The following FAT2 variants were observed in gnomAD, a reference collection of about 807,000 sequenced individuals.
FAT2 encodes the protein FAT atypical cadherin 2.
Under a neutral mutation model 295.3 loss-of-function variants are expected in FAT2, and 150 were observed. The observed-to-expected ratio is 0.51, with a 90% CI of 0.44 to 0.58. The LOEUF (loss-of-function observed/expected upper bound fraction) is 0.58. Among genes scored for constraint, FAT2 ranks in the 20% least tolerant of loss-of-function variants. The probability of loss-of-function intolerance (pLI) is 0.00; values close to 1 mark genes in which losing one functional copy is unlikely to be tolerated. For synonymous variants in FAT2, 2,026 were observed against 2,150.3 expected (o/e 0.94, Z 1.60); for missense variants, 4,868 against 5,442.7 (o/e 0.89, Z 3.32).
At chr5:151,577,159 A>C (rs1476779035) in intron 1 of FAT2, among the ~76,000 whole-genome samples, 2 of 152,254 alleles carry the variant, frequency 1.3e-5, no homozygotes, top group African/African-American at 2.4e-5. Context: ...CATAATTATC[A>C]CTTATAATTG....
rs970168304 is a variant in FAT2 at position 151,542,160 on chromosome 5, A to G, written c.8842+125T>C. ...GGAGAAACTGAGGTCCTAGGGGGTT[A>G]AGTGTGCCCAAGGTCACACTGCTAA... On this transcript the variant is annotated intron_variant, in intron 10 of 23. Transcript: ENST00000261800. The G allele has an allele frequency of 1.6e-5, 13 of 835,140 alleles. No individual in the cohort carries two copies. In the African/African-American group the frequency reaches 2.2e-4, roughly 14 times the overall value. The allele number at this position is 835,140 out of a possible 1,614,324, so 51.7% of individuals were successfully genotyped here. A position where few individuals can be genotyped will look rare whatever the true frequency, so the allele number is the denominator to read the frequency against.
chr5:151,590,638 AACCAGGGCTG>A (rs1365083209), intron 1 of FAT2, among the ~76,000 whole-genome samples: 2 of 152,090 alleles, frequency 1.3e-5, no homozygotes, highest in African/African-American at 4.8e-5. Context: ...GCTACAGGAG[AACCAGGGCTG>A]ACCAGACTAT....
intron 1 of FAT2, among the ~76,000 whole-genome samples, chr5:151,577,980 TG>T (rs1317310005): frequency 6.6e-6 from 1 of 150,816 alleles, no homozygotes; most frequent in Non-Finnish European, 1.5e-5. Context: ...AGGAGGAGTT[TG>T]TTAGATGAAA....
chr5:151,554,399 C>G lies in FAT2; in HGVS notation c.3908G>C (p.Ser1303Thr), dbSNP rs1757504737. ...IDLVTGVVSS[S>T]STFTAGEYNI... ...GTACTCTCCAGCTGTAAAAGTGCTG[C>G]TGGATGAAACCACACCTGTGACCAG... is the stretch of plus-strand genomic sequence containing the variant. The change falls in exon 5 of 24, where the codon AGC becomes ACC. Residue 1303 changes from serine (S) to threonine (T), a missense_variant. By Grantham distance (58) the Ser-to-Thr change is moderately conservative. Coordinates refer to ENST00000261800, the MANE Select transcript of FAT2 (RefSeq NM_001447.3). The G allele has an allele frequency of 6.2e-7, 1 of 1,614,198 alleles. No homozygotes were observed. Among genetic ancestry groups the G allele is most frequent in the Non-Finnish European group, 8.5e-7 (1 of 1,180,032 alleles).
chr5:151,551,955 ATACTT>A (rs1266650829), intron 6 of FAT2, among the ~76,000 whole-genome samples: 2 of 150,962 alleles, frequency 1.3e-5, no homozygotes, highest in African/African-American at 4.9e-5. Context: ...TTATAAAACA[ATACTT>A]TAATATAACC....
chr5:151,535,862 A>C (rs1755218480), intron 12 of FAT2, among the ~76,000 whole-genome samples: 1 of 152,142 alleles, frequency 6.6e-6, no homozygotes, highest in South Asian at 2.1e-4. Flanking sequence ...GTATGGGGAA[A>C]ACCCACACAC....
Position 151,544,890 on chromosome 5 carries a change from G to A in FAT2, c.6237C>T (p.Ile2079=), listed in dbSNP as rs758833250. The A allele has an allele frequency of 1.9e-6, 3 of 1,614,028 alleles. No homozygotes were observed. Among genetic ancestry groups the A allele is most frequent in the African/African-American group, 2.7e-5 (2 of 74,906 alleles). Residue 2079 remains isoleucine (I), a synonymous_variant, in exon 10 of 24, where the codon ATC becomes ATT. Coordinates refer to ENST00000261800, the MANE Select transcript of FAT2 (RefSeq NM_001447.3). ...CATCCCCTGGCTCTGTGCCATCTTG[G>A]ATGATTGTGTAATAGGGCAGATGCT... ...KFKHLPYYTI[I]QDGTEPGDVL... is the part of the protein sequence containing the mutation.
chr5:151,532,388 AACAC>A (rs3056512), intron 13 of FAT2, among the ~76,000 whole-genome samples: 14,193 of 150,328 alleles, frequency 0.094, 1,484 homozygotes, highest in African/African-American at 0.26. Flanking sequence ...TGCGTGTACA[AACAC>A]ACACACACAC....
rs368700312 is a variant in FAT2, at chr5:151,565,993, G to A, written c.2939C>T (p.Ala980Val). 37 of 1,613,898 alleles carry A rather than the reference G, an allele frequency of 2.3e-5. No homozygotes were observed. The highest frequency in any genetic ancestry group is 8.9e-5 in the East Asian group (4 of 44,882). ...GTCCAGCTCTCTCTCCAGAATGAGC[G>A]CCCCTGTCATCAGGTCCACCCGGAA... Reference protein sequence around the residue: ...GTFRVDLMTGALILERELDFE... With the variant: ...GTFRVDLMTGVLILERELDFE... The change falls in exon 2 of 24, where the codon GCG becomes GTG. Residue 980 changes from alanine (A) to valine (V), a missense_variant. Transcript: ENST00000261800.
At chr5:151,572,780 C>G (rs1758582706) in intron 1 of FAT2, among the ~76,000 whole-genome samples, 1 of 152,222 alleles carries the variant, frequency 6.6e-6, no homozygotes, top group Non-Finnish European at 1.5e-5. Context: ...GCTGAAGCCT[C>G]TGGAGAAGGT....
chr5:151,555,602 C>T (rs1401394220), intron 4 of FAT2, among the ~76,000 whole-genome samples: 1 of 151,748 alleles, frequency 6.6e-6, no homozygotes, highest in Non-Finnish European at 1.5e-5. Flanking sequence ...ACTCCTAACC[C>T]CAAGTGATCT....
intron 20 of FAT2, among the ~76,000 whole-genome samples, chr5:151,514,560 C>A (rs1470425760): frequency 1.3e-5 from 2 of 152,258 alleles, no homozygotes; most frequent in East Asian, 3.8e-4. Context: ...ACGAGCCTCT[C>A]TTTAATTTCA....
chr5:151,563,744 A>G (rs1758130314), intron 2 of FAT2, 105 bp from the exon 3 acceptor site: 1 of 848,688 alleles, frequency 1.2e-6, no homozygotes, highest in Non-Finnish European at 1.9e-6. Flanking sequence ...AAAGGGTATT[A>G]ATAAGTAGAT....
At chr5:151,572,984 T>G (rs540609255) in intron 1 of FAT2, among the ~76,000 whole-genome samples, 1 of 152,376 alleles carries the variant, frequency 6.6e-6, no homozygotes, top group East Asian at 1.9e-4. Flanking sequence ...AGGGCACACA[T>G]GCATACTCAG....
chr5:151,585,108 A>G (rs1417246708), intron 1 of FAT2, among the ~76,000 whole-genome samples: 1 of 152,200 alleles, frequency 6.6e-6, no homozygotes, highest in Non-Finnish European at 1.5e-5. Context: ...GGACCTCTCT[A>G]ATAATTGGAG....
chr5:151,559,438 G>A (rs1757924004), intron 3 of FAT2, among the ~76,000 whole-genome samples: 1 of 152,142 alleles, frequency 6.6e-6, no homozygotes, highest in African/African-American at 2.4e-5. Flanking sequence ...GAAGGGCCTA[G>A]GGCCTGGGGT....
intron 2 of FAT2, among the ~76,000 whole-genome samples, chr5:151,565,150 ACATGGTAG>A (rs1204238602): frequency 6.6e-6 from 1 of 152,234 alleles, no homozygotes; most frequent in Non-Finnish European, 1.5e-5. Context: ...TATTACACCT[ACATGGTAG>A]AATAATATGT....
intron 3 of FAT2, among the ~76,000 whole-genome samples, chr5:151,558,985 A>G (rs182232196): frequency 9.2e-5 from 14 of 152,350 alleles, no homozygotes; most frequent in Admixed American, 6.5e-4. Flanking sequence ...TTAATGGAAC[A>G]TCTGAACACT....
At chr5:151,523,499 CCTAT>C (rs1266309640) in intron 18 of FAT2, among the ~76,000 whole-genome samples, 1 of 152,164 alleles carries the variant, frequency 6.6e-6, no homozygotes, top group African/African-American at 2.4e-5. Flanking sequence ...AATCTGAATA[CCTAT>C]CTGTGTCTAT....
Sources: allele counts gnomAD v4.1 joint callset (sites outside exome capture counted in the v4.1 genomes callset), GRCh38; gene constraint gnomAD v4.1.1; transcripts MANE v1.5; gene names NCBI Gene and HGNC (gene_info 2026-07-23, HGNC 2026-07-21).